The following EPHB1 variants were observed in gnomAD, a reference collection of about 807,000 sequenced individuals.
The protein encoded by EPHB1 is ephrin type-B receptor 1.
A neutral mutation model predicts 94.4 loss-of-function variants in EPHB1; 30 were observed. That is an observed-to-expected ratio of 0.32 (90% CI 0.24 to 0.43). The LOEUF (loss-of-function observed/expected upper bound fraction) is 0.43, where lower values mean the gene tolerates loss of function less well. EPHB1 is among the 20% of genes least tolerant of loss of function. EPHB1 has a pLI of 1.00. For missense variants in EPHB1, 1,055 were observed against 1,308.3 expected (o/e 0.81, Z 2.99); for synonymous variants, 522 against 489.1 (o/e 1.07, Z -0.89).
chr3:134,911,694 A>G (rs2038458752), intron 1 of EPHB1, among the ~76,000 whole-genome samples: 1 of 152,174 alleles, frequency 6.6e-6, no homozygotes, highest in South Asian at 2.1e-4. Flanking sequence ...TTGGAAGAGG[A>G]TGGCAGCAGC....
intron 3 of EPHB1, among the ~76,000 whole-genome samples, chr3:135,097,530 G>C (rs1196720225): frequency 6.6e-6 from 1 of 152,110 alleles, no homozygotes; most frequent in Non-Finnish European, 1.5e-5. Flanking sequence ...TTTTATCAAG[G>C]AAAAGCACCC....
chr3:134,818,521 C>A (rs1578110660), intron 1 of EPHB1, among the ~76,000 whole-genome samples: 1 of 151,990 alleles, frequency 6.6e-6, no homozygotes, highest in Admixed American at 6.6e-5. Flanking sequence ...TTATCCCTTG[C>A]CCCCCTTCAA....
chr3:135,008,772 G>A (rs1018698114), intron 3 of EPHB1, among the ~76,000 whole-genome samples: 5 of 152,218 alleles, frequency 3.3e-5, no homozygotes, highest in Admixed American at 2.6e-4. Context: ...GCTGGATCCA[G>A]GGAAGGCTTG....
intron 3 of EPHB1, among the ~76,000 whole-genome samples, chr3:134,956,759 G>T (rs1933292442): frequency 6.6e-6 from 1 of 152,128 alleles, no homozygotes; most frequent in Non-Finnish European, 1.5e-5. Flanking sequence ...GCCATGCCAT[G>T]CTACATATTG....
At chr3:134,890,493 C>A (rs1043374830) in intron 1 of EPHB1, among the ~76,000 whole-genome samples, 1 of 152,196 alleles carries the variant, frequency 6.6e-6, no homozygotes, top group Non-Finnish European at 1.5e-5. Flanking sequence ...GCATGTACCT[C>A]CTTTGTACAT....
chr3:135,001,293 C>T (rs1935163943), intron 3 of EPHB1, among the ~76,000 whole-genome samples: 1 of 152,152 alleles, frequency 6.6e-6, no homozygotes, highest in South Asian at 2.1e-4. Flanking sequence ...CAAGAGGCTA[C>T]AAGGCATCTG....
chr3:134,860,843 T>G (rs996858211), intron 1 of EPHB1, among the ~76,000 whole-genome samples: 11 of 151,008 alleles, frequency 7.3e-5, no homozygotes, highest in Admixed American at 4.0e-4. Context: ...GTCCTGTGAC[T>G]GACATTAGAG....
Position 134,923,030 on chromosome 3 carries a change from T to A in EPHB1, c.59-2786T>A, listed in dbSNP as rs148810866. On this transcript the variant is annotated intron_variant, in intron 1 of 15. Transcript: ENST00000398015. ...TGTATTATGTAAATTTGGTGTGTCA[T>A]GATGATCATTATTAGTGCTGTGAAG... is the stretch of plus-strand genomic sequence containing the variant. 1.2e-3 allele frequency among the ~76,000 whole-genome samples: 189 copies of A among 152,192 alleles called. 1 individual carries two copies. The highest frequency in any genetic ancestry group is 0.011 in the Admixed American group (165 of 15,290).
intron 4 of EPHB1, among the ~76,000 whole-genome samples, chr3:135,126,229 A>G (rs1940199654): frequency 6.6e-6 from 1 of 152,140 alleles, no homozygotes; most frequent in African/African-American, 2.4e-5. Context: ...AATTTTTCCA[A>G]ACTACAATCT....
intron 3 of EPHB1, among the ~76,000 whole-genome samples, chr3:135,096,824 A>G (rs1938788645): frequency 1.3e-5 from 2 of 152,212 alleles, no homozygotes; most frequent in African/African-American, 4.8e-5. Context: ...GGGGCCAGGC[A>G]CAATGGCTCA....
At chr3:135,038,344 CT>C (rs1936714046) in intron 3 of EPHB1, among the ~76,000 whole-genome samples, 1 of 152,238 alleles carries the variant, frequency 6.6e-6, no homozygotes, top group African/African-American at 2.4e-5. Flanking sequence ...CGTTCCGAGT[CT>C]TGCCTTTAAC....
intron 1 of EPHB1, among the ~76,000 whole-genome samples, chr3:134,889,039 G>T (rs2037914725): frequency 1.3e-5 from 2 of 152,220 alleles, no homozygotes; most frequent in Admixed American, 1.3e-4. Context: ...GCCACTCATA[G>T]GTGCTGGGAA....
At chr3:135,030,578 C>G (rs569571203) in intron 3 of EPHB1, among the ~76,000 whole-genome samples, 19 of 152,328 alleles carry the variant, frequency 1.2e-4, no homozygotes, top group South Asian at 1.0e-3. Context: ...GCAGTCTGCC[C>G]GTTCTCAGAT....
At chr3:135,037,200 A>T (rs1936672543) in intron 3 of EPHB1, among the ~76,000 whole-genome samples, 1 of 152,176 alleles carries the variant, frequency 6.6e-6, no homozygotes, top group Non-Finnish European at 1.5e-5. Flanking sequence ...TTTGAAACTA[A>T]ATCTCCTTAC....
intron 4 of EPHB1, among the ~76,000 whole-genome samples, chr3:135,114,537 T>TAAAAAAAAAAAAA (rs56100882): frequency 8.1e-5 from 3 of 37,220 alleles, no homozygotes; most frequent in African/African-American, 3.2e-4. Context: ...CTGTCTCTAC[T>TAAAAAAAAAAAAA]AAAAAAAAAA....
intron 4 of EPHB1, among the ~76,000 whole-genome samples, chr3:135,128,563 A>G (rs777625686): frequency 2.6e-5 from 4 of 152,212 alleles, no homozygotes; most frequent in African/African-American, 4.8e-5. Flanking sequence ...AGCGGGCCTC[A>G]TGGGAATAAG....
chr3:135,220,030 G>C (rs73862048), intron 12 of EPHB1, among the ~76,000 whole-genome samples: 1,572 of 147,750 alleles, frequency 0.011, 35 homozygotes, highest in South Asian at 0.035. Flanking sequence ...ACACAGGCAA[G>C]AGTTTTTTTC....
At chr3:134,886,332 G>A (rs114889377) in intron 1 of EPHB1, among the ~76,000 whole-genome samples, 22 of 152,268 alleles carry the variant, frequency 1.4e-4, no homozygotes, top group Non-Finnish European at 1.9e-4. Context: ...CATTCTCTAC[G>A]TGCTTGACAG....
intron 4 of EPHB1, among the ~76,000 whole-genome samples, chr3:135,116,128 C>T (rs1004664147): frequency 3.9e-4 from 60 of 152,168 alleles, no homozygotes; most frequent in African/African-American, 1.2e-3. Flanking sequence ...GCAGGATAAT[C>T]GCTTGAACCC....
Sources: gnomAD v4.1 joint callset for allele counts (sites outside exome capture counted in the v4.1 genomes callset) on GRCh38, gnomAD v4.1.1 for gene constraint, MANE v1.5 for transcripts, NCBI Gene and HGNC (gene_info 2026-07-23, HGNC 2026-07-21) for gene names.